The following ADAMTSL1 variants were observed in gnomAD, a reference collection of about 807,000 sequenced individuals.
ADAMTSL1 encodes the protein ADAMTS-like protein 1.
Under a neutral mutation model 201.8 loss-of-function variants are expected in ADAMTSL1, and 126 were observed. The ratio of observed to expected loss-of-function variants is 0.62; its 90% CI spans 0.54 to 0.72. ADAMTSL1 has a LOEUF of 0.72. Among genes scored for constraint, ADAMTSL1 ranks in the 30% least tolerant of loss-of-function variants. ADAMTSL1 has a pLI of 0.00. For missense variants in ADAMTSL1, 2,679 were observed against 2,277.8 expected, an observed-to-expected ratio of 1.18 and a Z score of -3.59; for synonymous variants, 1,121 against 903.4, an observed-to-expected ratio of 1.24 and a Z score of -4.32.
intron 2 of ADAMTSL1, among the ~76,000 whole-genome samples, chr9:18,377,583 T>C (rs1174085260): frequency 6.6e-6 from 1 of 152,208 alleles, no homozygotes; most frequent in African/African-American, 2.4e-5. Flanking sequence ...TTTGTTTTTG[T>C]TTCTGAGACA....
intron 1 of ADAMTSL1, among the ~76,000 whole-genome samples, chr9:18,002,182 G>T (rs1819638574): frequency 6.6e-6 from 1 of 152,008 alleles, no homozygotes; most frequent in Non-Finnish European, 1.5e-5. Context: ...CTAGAGATCA[G>T]AACATAAGAA....
intron 2 of ADAMTSL1, among the ~76,000 whole-genome samples, chr9:18,280,380 A>C (rs982856685): frequency 1.3e-5 from 2 of 149,824 alleles, no homozygotes; most frequent in Non-Finnish European, 3.0e-5. Flanking sequence ...ATCCATGTAA[A>C]TTTTAATCAG....
chr9:18,389,323 A>C (rs1161098547), intron 2 of ADAMTSL1, among the ~76,000 whole-genome samples: 1 of 152,138 alleles, frequency 6.6e-6, no homozygotes, highest in African/African-American at 2.4e-5. Flanking sequence ...CTTCTAGAAG[A>C]TGTAAACTGG....
chr9:18,631,000 T>C lies in ADAMTSL1; in HGVS notation c.602-4943T>C, dbSNP rs73644624. ...TTTTGTGAGTTTGATACTGGCTGTT[T>C]TGATGTTAGCACCTGTGTAGGCAAC... On this transcript the variant is annotated intron_variant, in intron 5 of 28. Transcript: ENST00000380548. Among the ~76,000 whole-genome samples the C allele has an allele frequency of 4.9e-3, 752 of 152,280 alleles. 9 individuals are homozygous for C. Among genetic ancestry groups the C allele is most frequent in the African/African-American group, 0.017 (716 of 41,568 alleles).
chr9:18,353,808 C>T (rs1264023815), intron 2 of ADAMTSL1, among the ~76,000 whole-genome samples: 1 of 152,044 alleles, frequency 6.6e-6, no homozygotes, highest in Non-Finnish European at 1.5e-5. Context: ...AAAATTCAAT[C>T]TCCTTTTCCT....
At chr9:18,356,095 G>A (rs1363463618) in intron 2 of ADAMTSL1, among the ~76,000 whole-genome samples, 1 of 152,214 alleles carries the variant, frequency 6.6e-6, no homozygotes, top group Non-Finnish European at 1.5e-5. Context: ...TGAGCAAGGC[G>A]GGTAGTTTTA....
intron 14 of ADAMTSL1, among the ~76,000 whole-genome samples, chr9:18,720,048 C>T (rs888805878): frequency 6.6e-6 from 1 of 152,212 alleles, no homozygotes; most frequent in African/African-American, 2.4e-5. Flanking sequence ...TTTATATACA[C>T]AGCTATGTAT....
chr9:18,005,825 C>G (rs1386034699), intron 1 of ADAMTSL1, among the ~76,000 whole-genome samples: 1 of 152,030 alleles, frequency 6.6e-6, no homozygotes, highest in Non-Finnish European at 1.5e-5. Flanking sequence ...AACATGGCCT[C>G]TTCTCTGCCT....
chr9:18,872,503 C>T (rs892734475), intron 23 of ADAMTSL1, among the ~76,000 whole-genome samples: 2 of 152,088 alleles, frequency 1.3e-5, no homozygotes, highest in African/African-American at 2.4e-5. Flanking sequence ...TGCTTCCTTC[C>T]GAGTACCCAG....
intron 3 of ADAMTSL1, among the ~76,000 whole-genome samples, chr9:18,568,863 A>T (rs960605996): frequency 6.6e-6 from 1 of 152,142 alleles, no homozygotes; most frequent in Non-Finnish European, 1.5e-5. Flanking sequence ...AATAGGTTAA[A>T]TGAAACAACA....
At chr9:18,596,748 C>G (rs961956632) in intron 4 of ADAMTSL1, among the ~76,000 whole-genome samples, 1 of 152,128 alleles carries the variant, frequency 6.6e-6, no homozygotes, top group African/African-American at 2.4e-5. Flanking sequence ...TGAGCATCTA[C>G]TAATGCTAGA....
At chr9:17,950,144 T>A (rs918729024) in intron 1 of ADAMTSL1, among the ~76,000 whole-genome samples, 2 of 152,112 alleles carry the variant, frequency 1.3e-5, no homozygotes, top group Non-Finnish European at 2.9e-5. Context: ...TGGACTCAGG[T>A]GATCTGCCTG....
chr9:18,542,193 AAAC>A, intron 3 of ADAMTSL1, among the ~76,000 whole-genome samples: 1 of 152,378 alleles, frequency 6.6e-6, no homozygotes, highest in Middle Eastern at 3.4e-3. Flanking sequence ...AGAAAATACA[AAAC>A]AAAAGAAGAT....
intron 7 of ADAMTSL1, among the ~76,000 whole-genome samples, chr9:18,656,986 A>C (rs1042088366): frequency 5.3e-5 from 8 of 152,356 alleles, no homozygotes; most frequent in Admixed American, 1.3e-4. Context: ...ATTTAAAAGC[A>C]AATAAATTGT....
At chr9:18,228,719 G>A (rs1830523667) in intron 2 of ADAMTSL1, among the ~76,000 whole-genome samples, 1 of 152,112 alleles carries the variant, frequency 6.6e-6, no homozygotes, top group Admixed American at 6.5e-5. Context: ...ACTATGTCAG[G>A]GGATTTTCTA....
chr9:18,895,439 CAAT>C (rs1829567413), intron 26 of ADAMTSL1, among the ~76,000 whole-genome samples: 2 of 129,798 alleles, frequency 1.5e-5, no homozygotes, highest in African/African-American at 2.9e-5. Flanking sequence ...CCCCTCCCCC[CAAT>C]GTGGCATGGT....
intron 1 of ADAMTSL1, among the ~76,000 whole-genome samples, chr9:18,030,398 G>T (rs1316340554): frequency 6.6e-6 from 1 of 152,054 alleles, no homozygotes; most frequent in African/African-American, 2.4e-5. Context: ...GGACTGTTGT[G>T]TGGTGGGGGG....
At chr9:18,514,327 C>CTTTCTT (rs1554693081) in intron 2 of ADAMTSL1, among the ~76,000 whole-genome samples, 8 of 100,092 alleles carry the variant, frequency 8.0e-5, no homozygotes, top group African/African-American at 1.5e-4. Context: ...ATTTTTCTTT[C>CTTTCTT]TTTTTTTTTT....
chr9:18,885,770 G>T (rs1187428369), intron 23 of ADAMTSL1, among the ~76,000 whole-genome samples: 1 of 152,104 alleles, frequency 6.6e-6, no homozygotes, highest in African/African-American at 2.4e-5. Context: ...AAAAATAAGT[G>T]AGCAAAGAAA....
Sources: gnomAD v4.1 joint callset for allele counts (sites outside exome capture counted in the v4.1 genomes callset) on GRCh38, gnomAD v4.1.1 for gene constraint, MANE v1.5 for transcripts, NCBI Gene and HGNC (gene_info 2026-07-23, HGNC 2026-07-21) for gene names.